Variants in AP1B1 observed in about 807,000 individuals in gnomAD.
AP1B1 encodes adaptor related protein complex 1 subunit beta 1.
AP1B1 carries 36 observed loss-of-function variants against 104.3 expected under a neutral mutation model. That is an observed-to-expected ratio of 0.35 (90% CI 0.26 to 0.46). The LOEUF is 0.46. AP1B1 is among the 20% of genes least tolerant of loss of function. AP1B1 has a pLI of 1.00. For missense variants in AP1B1, 901 were observed against 1,247.9 expected (o/e 0.72, Z 4.19); for synonymous variants, 504 against 517.5 (o/e 0.97, Z 0.35).
At position 29,356,567 on chromosome 22, in the gene AP1B1, G is replaced by A; in HGVS notation, c.575C>T (p.Pro192Leu). Residue 192 changes from proline (P) to leucine (L), a missense_variant, in exon 6 of 23, where the codon CCC (proline) becomes CTC (leucine). By Grantham distance (98) the Pro-to-Leu change is moderately conservative. Coordinates refer to ENST00000357586, the MANE Select transcript of AP1B1 (RefSeq NM_001127.4). Reference protein sequence around the residue: ...AALSEIAESHPSSNLLDLNPQ... With the variant: ...AALSEIAESHLSSNLLDLNPQ... ...GTTCAGATCGAGCAGGTTGCTGCTGGGGTGAGACTCGGCAATTTCTGAGAG... is the reference window on the plus strand; with the variant it reads ...GTTCAGATCGAGCAGGTTGCTGCTGAGGTGAGACTCGGCAATTTCTGAGAG... 2 of 1,614,180 alleles carry A rather than the reference G, an allele frequency of 1.2e-6. No homozygotes were observed. The highest frequency in any genetic ancestry group is 8.5e-7 in the Non-Finnish European group (1 of 1,180,030).
At chr22:29,378,336 C>T (rs139533675) in intron 1 of AP1B1, among the ~76,000 whole-genome samples, 20 of 152,072 alleles carry the variant, frequency 1.3e-4, no homozygotes, top group African/African-American at 4.1e-4. Context: ...GCAGACAGAT[C>T]TCTTGAGCGC....
At chr22:29,348,390 A>C (rs750834918) in intron 11 of AP1B1, among the ~76,000 whole-genome samples, 3 of 152,308 alleles carry the variant, frequency 2.0e-5, no homozygotes, top group Non-Finnish European at 4.4e-5. Flanking sequence ...CCTTGTTTAA[A>C]ATGCTCCCTA....
intron 11 of AP1B1, among the ~76,000 whole-genome samples, chr22:29,343,303 G>A (rs1216130873): frequency 3.3e-5 from 5 of 152,226 alleles, no homozygotes; most frequent in Admixed American, 3.3e-4. Flanking sequence ...CAGGAGGGCA[G>A]GAGTGGCAGT....
rs372616681 is a variant in AP1B1 at position 29,343,108 on chromosome 22, G to A, written c.1438-725C>T. ...ATTACTGCCCAATCTAGTGCCTGGTGTATAGCAGGCACTTAAGAAATACTT... is the reference window on the plus strand; with the variant it reads ...ATTACTGCCCAATCTAGTGCCTGGTATATAGCAGGCACTTAAGAAATACTT... On this transcript the variant is annotated intron_variant, in intron 11 of 22. Coordinates refer to ENST00000357586, the MANE Select transcript of AP1B1 (RefSeq NM_001127.4). Among the ~76,000 whole-genome samples, 66 of 152,368 alleles carry A rather than the reference G, an allele frequency of 4.3e-4. No individual in the cohort carries two copies. In the East Asian group the frequency reaches 7.9e-3, roughly 18 times the overall value.
intron 1 of AP1B1, among the ~76,000 whole-genome samples, chr22:29,374,442 G>T (rs2062299908): frequency 6.6e-6 from 1 of 152,134 alleles, no homozygotes; most frequent in Non-Finnish European, 1.5e-5. Context: ...TGCAGACAAG[G>T]CCTATTTTCC....
chr22:29,378,126 A>G (rs1251575233), intron 1 of AP1B1, among the ~76,000 whole-genome samples: 1 of 151,796 alleles, frequency 6.6e-6, no homozygotes, highest in Non-Finnish European at 1.5e-5. Context: ...GTTGAATTAC[A>G]GGTTATTTTA....
At chr22:29,367,361 A>G (rs558806681) in intron 1 of AP1B1, 91 bp from the exon 2 acceptor site, 7 of 535,580 alleles carry the variant, frequency 1.3e-5, no homozygotes, top group Non-Finnish European at 2.3e-5. Context: ...TCCAGAACAC[A>G]TGTGGTACAG....
In AP1B1 at chr22:29,359,798, C is replaced by T. The variant is rs1181892562; in HGVS notation, c.279+26G>A. 4 of 1,603,566 alleles carry T rather than the reference C, an allele frequency of 2.5e-6. No individual in the cohort carries two copies. In the East Asian group the frequency reaches 9.0e-5, roughly 36 times the overall value. The stretch of plus-strand genomic sequence containing the variant: ...GACAGAGCCTTAAGCACCCAATGTC[C>T]CCACGCCCACCAAGCGTCTGCTCAC... On this transcript the variant is annotated intron_variant, in intron 4 of 22. Transcript: ENST00000357586.
chr22:29,328,524 G>A lies in AP1B1; in HGVS notation c.*297C>T. On this transcript the variant is annotated 3_prime_UTR_variant, in exon 23 of 23. Transcript: ENST00000357586. This position sits in a 1 kb window ranked among gnomAD's most constrained non-coding sequence, Gnocchi z 4.1. ...GGGCAAGCTCCACACTCACCCTTCA[G>A]GCACAGCTTCTGTGGCTGCTCTGGC... 2.7e-6 allele frequency: 1 copy of A among 365,356 alleles called. No homozygotes were observed. Among genetic ancestry groups the A allele is most frequent in the Non-Finnish European group, 5.1e-6 (1 of 194,330 alleles). The allele number at this position is 365,356 out of a possible 1,614,324, so 22.6% of individuals were successfully genotyped here.
intron 17 of AP1B1, among the ~76,000 whole-genome samples, chr22:29,333,988 C>T (rs2061599935): frequency 6.6e-6 from 1 of 152,178 alleles, no homozygotes; most frequent in Non-Finnish European, 1.5e-5. Context: ...TTGCTTGAAC[C>T]CAGGAGGTGG....
intron 10 of AP1B1, 62 bp downstream of exon 10, chr22:29,349,973 C>T: frequency 1.5e-6 from 2 of 1,290,680 alleles, no homozygotes; most frequent in South Asian, 1.2e-5. Context: ...TCCTTTTCTG[C>T]CCCGCCATCC....
chr22:29,386,566 A>G (rs1022372013), intron 1 of AP1B1, among the ~76,000 whole-genome samples: 5 of 152,164 alleles, frequency 3.3e-5, no homozygotes, highest in Non-Finnish European at 4.4e-5. Flanking sequence ...CTTCATCTCA[A>G]ATCCTCCCTT....
At chr22:29,352,570 C>T (rs1569158206) in intron 7 of AP1B1, among the ~76,000 whole-genome samples, 2 of 152,166 alleles carry the variant, frequency 1.3e-5, no homozygotes, top group African/African-American at 2.4e-5. Context: ...GTGTCCTTCT[C>T]CCCTATGACC....
intron 3 of AP1B1, 146 bp from the exon 4 acceptor site, chr22:29,360,105 G>C: frequency 1.2e-6 from 1 of 843,392 alleles, no homozygotes; most frequent in Non-Finnish European, 1.8e-6. Flanking sequence ...GAGGGTTTCA[G>C]GTCTGCTGTT....
At chr22:29,330,343 C>T in intron 21 of AP1B1, 35 bp downstream of exon 21, 2 of 1,610,750 alleles carry the variant, frequency 1.2e-6, no homozygotes, top group East Asian at 2.2e-5. Context: ...GAAGGGGAGG[C>T]TCCAAGGCTG....
rs766891949 is a variant in AP1B1 at position 29,356,550 on chromosome 22, C to T, written c.592G>A (p.Asp198Asn). Reference sequence around the variant, plus strand: ...TTGTTGATGGACTGTGGGTTCAGATCGAGCAGGTTGCTGCTGGGGTGAGAC... The same window carrying T: ...TTGTTGATGGACTGTGGGTTCAGATTGAGCAGGTTGCTGCTGGGGTGAGAC... ...AESHPSSNLL[D>N]LNPQSINKLL... Residue 198 changes from aspartate to asparagine, a missense_variant, in exon 6 of 23, where the codon GAT (aspartate) becomes AAT (asparagine). By Grantham distance (23) the Asp-to-Asn change is conservative. Around this residue, in one of 3 missense-constraint regions of AP1B1, gnomAD observed 471 missense variants for 696.7 expected, o/e 0.68. Transcript: ENST00000357586. 9 of 1,614,034 alleles carry T rather than the reference C, an allele frequency of 5.6e-6. No individual in the cohort carries two copies. The highest frequency in any genetic ancestry group is 5.3e-5 in the African/African-American group (4 of 74,922).
chr22:29,365,546 C>T lies in AP1B1; in HGVS notation c.37+1661G>A, dbSNP rs1449430770. 3.9e-5 allele frequency among the ~76,000 whole-genome samples: 6 copies of T among 152,200 alleles called. No homozygotes were observed. The South Asian group carries it at 1.0e-3, about 26-fold the overall frequency. ...TGGGACTCCAATACACTCAGCACTA[C>T]GTTCACCCTGTGGCTCACCAGGCTC... On this transcript the variant is annotated intron_variant, in intron 2 of 22. Transcript: ENST00000357586.
At position 29,338,708 on chromosome 22, in the gene AP1B1, G is replaced by A. The variant is rs545743309; in HGVS notation, c.2163+282C>T. Among the ~76,000 whole-genome samples the A allele has an allele frequency of 2.2e-4, 33 of 152,214 alleles. 1 individual carries two copies. Among genetic ancestry groups the A allele is most frequent in the Middle Eastern group, 3.4e-3 (1 of 294 alleles). On this transcript the variant is annotated intron_variant, in intron 16 of 22. Coordinates refer to ENST00000357586, the MANE Select transcript of AP1B1 (RefSeq NM_001127.4). ...CTGCTGATTCCCTCACAAAGGCCGT[G>A]GTCTCCCTTCCCTCCAGGCCTTACC... is the stretch of plus-strand genomic sequence containing the variant.
At chr22:29,359,642 G>C (rs1324066405) in intron 4 of AP1B1, 182 bp downstream of exon 4, 2 of 695,366 alleles carry the variant, frequency 2.9e-6, no homozygotes, top group Non-Finnish European at 4.6e-6. Context: ...AGGGTCCTTA[G>C]CATCTGATTT....
Sources: gnomAD v4.1 joint callset for allele counts (sites outside exome capture counted in the v4.1 genomes callset) on GRCh38, gnomAD v4.1.1 for gene constraint, gnomAD v4.1.1 regional missense constraint, Gnocchi (gnomAD v3.1) non-coding constraint, MANE v1.5 for transcripts, NCBI Gene and HGNC (gene_info 2026-07-23, HGNC 2026-07-21) for gene names.